The following NFIX variants were observed in gnomAD, a reference collection of about 807,000 sequenced individuals.
NFIX encodes the protein nuclear factor 1 X-type.
A neutral mutation model predicts 53.3 loss-of-function variants in NFIX; 2 were observed. That is an observed-to-expected ratio of 0.04 (90% CI 0.02 to 0.12). The LOEUF is 0.12. NFIX is among the 10% of genes least tolerant of loss of function. The pLI is 1.00. For missense variants in NFIX, 310 were observed against 674.5 expected, an observed-to-expected ratio of 0.46 and a Z score of 5.99; for synonymous variants, 244 against 289.0, an observed-to-expected ratio of 0.84 and a Z score of 1.58.
chr19:13,016,814 G>A (rs1010630691), intron 1 of NFIX, among the ~76,000 whole-genome samples: 7 of 152,148 alleles, frequency 4.6e-5, no homozygotes, highest in South Asian at 2.1e-4. Context: ...GAGGACGCTC[G>A]GCAGCCCTTG....
At position 13,060,982 on chromosome 19, in the gene NFIX, CT is replaced by C. The variant is rs2016039666; in HGVS notation, c.560-12061del. ...TTATGGGGATGGGGTAGAGATCTTCCTTTTCAAGTGTTTACCAATTGCAGAG... is the reference window on the plus strand; with the variant it reads ...TTATGGGGATGGGGTAGAGATCTTCCTTTCAAGTGTTTACCAATTGCAGAG... On this transcript the variant is annotated intron_variant, in intron 2 of 10. Coordinates refer to ENST00000592199, the MANE Select transcript of NFIX (RefSeq NM_001365902.3). This position sits in a 1 kb window ranked among gnomAD's most constrained non-coding sequence, Gnocchi z 4.3. Among the ~76,000 whole-genome samples the C allele has an allele frequency of 6.6e-6, 1 of 152,038 alleles. No homozygotes were observed. The highest frequency in any genetic ancestry group is 1.5e-5 in the Non-Finnish European group (1 of 68,010).
In NFIX at chr19:13,095,784, C is replaced by G. The variant is rs1429142927; in HGVS notation, c.*1135C>G. The G allele has an allele frequency of 6.6e-6, 1 of 152,262 alleles. No homozygotes were observed. The highest frequency in any genetic ancestry group is 1.5e-5 in the Non-Finnish European group (1 of 68,064). The allele number at this position is 152,262 out of a possible 1,614,324, so 9.4% of individuals were successfully genotyped here. Reference sequence around the variant, plus strand: ...CCTTGGGAGGGTGTTGGGTGTCGTCCTTTTCAAAAGTGTTTTGGAGCTTTC... The same window carrying G: ...CCTTGGGAGGGTGTTGGGTGTCGTCGTTTTCAAAAGTGTTTTGGAGCTTTC... On this transcript the variant is annotated 3_prime_UTR_variant, in exon 11 of 11. Transcript: ENST00000592199.
At chr19:13,069,245 G>A (rs186773508) in intron 2 of NFIX, among the ~76,000 whole-genome samples, 364 of 152,314 alleles carry the variant, frequency 2.4e-3, no homozygotes, top group African/African-American at 8.4e-3. Context: ...ACTTGGGGGT[G>A]CACAGTTAGT....
At position 13,094,808 on chromosome 19, in the gene NFIX, G is replaced by A. The variant is rs910298244; in HGVS notation, c.*159G>A. On this transcript the variant is annotated 3_prime_UTR_variant, in exon 11 of 11. Transcript: ENST00000592199. The surrounding 1 kb of genome is among the most constrained non-coding windows in gnomAD (Gnocchi z 4.3). ...ACTCAGCCCTTCTCTCCTCCAGCCC[G>A]GGGACCCCCGCGGGCCCCAGAAGCA... The A allele has an allele frequency of 2.7e-6, 2 of 739,988 alleles. No individual in the cohort carries two copies. Among genetic ancestry groups the A allele is most frequent in the Admixed American group, 5.2e-5 (2 of 38,438 alleles). The allele number at this position is 739,988 out of a possible 1,614,324, so 45.8% of individuals were successfully genotyped here.
chr19:13,031,050 G>A (rs16978857), intron 2 of NFIX, among the ~76,000 whole-genome samples: 2 of 152,220 alleles, frequency 1.3e-5, no homozygotes, highest in Non-Finnish European at 2.9e-5. Context: ...TCAGAGCGGG[G>A]CATGACCCCA....
chr19:13,044,366 A>G (rs1052275478), intron 2 of NFIX, among the ~76,000 whole-genome samples: 14 of 152,150 alleles, frequency 9.2e-5, no homozygotes, highest in African/African-American at 3.4e-4. Context: ...TTTCCTCTGC[A>G]GGGTGTTCAG....
intron 7 of NFIX, among the ~76,000 whole-genome samples, chr19:13,079,772 G>A (rs895469315): frequency 1.3e-4 from 20 of 152,246 alleles, no homozygotes; most frequent in Non-Finnish European, 1.9e-4. Context: ...GAGAAGCCAA[G>A]TTTCCTCAGC....
At chr19:13,030,415 T>G (rs1275923386) in intron 2 of NFIX, among the ~76,000 whole-genome samples, 4 of 152,188 alleles carry the variant, frequency 2.6e-5, no homozygotes, top group African/African-American at 9.6e-5. Context: ...TGTTATGATT[T>G]AGGGAGCCCA....
chr19:13,026,545 C>T (rs183065495), intron 2 of NFIX, among the ~76,000 whole-genome samples: 80 of 152,036 alleles, frequency 5.3e-4, no homozygotes, highest in Non-Finnish European at 8.2e-4. Context: ...AATTTCTTTC[C>T]GCTTTTGTTT....
chr19:13,037,814 G>A lies in NFIX; in HGVS notation c.559+12262G>A, dbSNP rs1312984953. On this transcript the variant is annotated intron_variant, in intron 2 of 10. Transcript: ENST00000592199. The surrounding 1 kb of genome is among the most constrained non-coding windows in gnomAD (Gnocchi z 4.2). ...CACTTTTGGTTGTCACAGTTGTGGG[G>A]GGAGGGTGCTATTGGAATCTAGTGG... Among the ~76,000 whole-genome samples, 1 of 152,122 alleles carries A rather than the reference G, an allele frequency of 6.6e-6. No homozygotes were observed. Among genetic ancestry groups the A allele is most frequent in the African/African-American group, 2.4e-5 (1 of 41,414 alleles).
intron 2 of NFIX, among the ~76,000 whole-genome samples, chr19:13,035,054 C>T (rs1405068547): frequency 6.6e-6 from 1 of 152,120 alleles, no homozygotes. Flanking sequence ...GGTGTGACAA[C>T]CAAAAATATC....
rs995965838 is a variant in NFIX at position 13,081,504 on chromosome 19, A to C, written c.1079-176A>C. On this transcript the variant is annotated intron_variant, in intron 7 of 10. Transcript: ENST00000592199. This position sits in a 1 kb window ranked among gnomAD's most constrained non-coding sequence, Gnocchi z 4.7. ...TATTTTTGTATTGCATTAAAACATC[A>C]TGGATCCTGATGACTGACTTTTTTG... Among the ~76,000 whole-genome samples the C allele has an allele frequency of 1.9e-4, 29 of 152,204 alleles. No homozygotes were observed. Among genetic ancestry groups the C allele is most frequent in the Non-Finnish European group, 1.5e-4 (10 of 68,006 alleles).
At chr19:13,019,265 T>G (rs995982149) in intron 1 of NFIX, among the ~76,000 whole-genome samples, 1 of 152,252 alleles carries the variant, frequency 6.6e-6, no homozygotes, top group Non-Finnish European at 1.5e-5. Context: ...TTTGTTTCCT[T>G]GAAGAATTTT....
At chr19:13,061,062 C>T (rs1342127597) in intron 2 of NFIX, among the ~76,000 whole-genome samples, 2 of 151,424 alleles carry the variant, frequency 1.3e-5, no homozygotes, top group Non-Finnish European at 2.9e-5. Flanking sequence ...AGGAATACTC[C>T]GGGAGTCACG....
At position 13,002,168 on chromosome 19, in the gene NFIX, G is replaced by A. The variant is rs1599702678; in HGVS notation, c.27+6304G>A. ...CCGAGGCTCTGAGGGCGCGGATTTG[G>A]AAACTGAGGTCCCCCCTTCTTTCCC... On this transcript the variant is annotated intron_variant, in intron 1 of 10. Transcript: ENST00000592199. This position sits in a 1 kb window ranked among gnomAD's most constrained non-coding sequence, Gnocchi z 6.1. Among the ~76,000 whole-genome samples, 2 of 151,852 alleles carry A rather than the reference G, an allele frequency of 1.3e-5. No individual in the cohort carries two copies. The highest frequency in any genetic ancestry group is 4.2e-4 in the South Asian group (2 of 4,810).
intron 6 of NFIX, among the ~76,000 whole-genome samples, chr19:13,077,582 G>T (rs993497438): frequency 6.6e-6 from 1 of 151,818 alleles, no homozygotes; most frequent in Non-Finnish European, 1.5e-5. Flanking sequence ...CCCTTCCCCC[G>T]CCCCTTCCCT....
chr19:13,018,478 G>A (rs1037217830), intron 1 of NFIX, among the ~76,000 whole-genome samples: 3 of 152,066 alleles, frequency 2.0e-5, no homozygotes, highest in Admixed American at 6.5e-5. Flanking sequence ...GCGCAGAGCC[G>A]CCTTTCCTGA....
intron 2 of NFIX, among the ~76,000 whole-genome samples, chr19:13,055,481 C>T (rs2015609330): frequency 6.6e-6 from 1 of 152,168 alleles, no homozygotes; most frequent in Non-Finnish European, 1.5e-5. Flanking sequence ...GAGGGCCGGC[C>T]GCACTCCCGC....
intron 2 of NFIX, among the ~76,000 whole-genome samples, chr19:13,065,947 C>A (rs1297933556): frequency 1.3e-5 from 2 of 152,144 alleles, no homozygotes; most frequent in Non-Finnish European, 2.9e-5. Context: ...GAACACCTTT[C>A]TCATTATATG....
Sources: allele counts gnomAD v4.1 joint callset (sites outside exome capture counted in the v4.1 genomes callset), GRCh38; gene constraint gnomAD v4.1.1; non-coding constraint Gnocchi (gnomAD v3.1); transcripts MANE v1.5; gene names NCBI Gene and HGNC (gene_info 2026-07-23, HGNC 2026-07-21).